Variants in ZBED5 observed in about 807,000 individuals in gnomAD.
The protein encoded by ZBED5 is zinc finger BED domain-containing protein 5.
ZBED5 carries 29 observed loss-of-function variants against 49.2 expected under a neutral mutation model. The ratio of observed to expected loss-of-function variants is 0.59; its 90% CI spans 0.44 to 0.80. The LOEUF (loss-of-function observed/expected upper bound fraction) is 0.80. Among genes scored for constraint, ZBED5 ranks in the 30% least tolerant of loss-of-function variants. The pLI is 0.00. For missense variants in ZBED5, 775 were observed against 812.9 expected (o/e 0.95, Z 0.57); for synonymous variants, 281 against 292.5 (o/e 0.96, Z 0.40).
In ZBED5 at chr11:10,853,236, A is replaced by T. The variant is rs973277553; in HGVS notation, c.1710T>A (p.Asn570Lys). The change falls in exon 3 of 3, where the codon AAT becomes AAA. Residue 570 changes from asparagine to lysine, a missense_variant. Physicochemically the swap from Asn to Lys is moderately conservative, Grantham distance 94 (BLOSUM62 0). Transcript: ENST00000413761. The surrounding 1 kb of genome is among the most constrained non-coding windows in gnomAD (Gnocchi z 5.4). The part of the protein sequence containing the change: ...LLKYFPVTND[N>K]NAWVRNPFTV... ...TAAATGGATTTCTAACCCAAGCATT[A>T]TTGTCATTTGTTACAGGAAAGTATT... The T allele has an allele frequency of 6.4e-7, 1 of 1,551,376 alleles. No individual in the cohort carries two copies. The highest frequency in any genetic ancestry group is 8.7e-7 in the Non-Finnish European group (1 of 1,146,816).
chr11:10,853,628 C>T lies in ZBED5; in HGVS notation c.1318G>A (p.Val440Ile). 1 of 1,551,572 alleles carries T rather than the reference C, an allele frequency of 6.4e-7. No individual in the cohort carries two copies. Among genetic ancestry groups the T allele is most frequent in the Non-Finnish European group, 8.7e-7 (1 of 1,146,930 alleles). Residue 440 changes from valine to isoleucine, a missense_variant, in exon 3 of 3, where the codon GTT (valine) becomes ATT (isoleucine). Coordinates refer to ENST00000413761, the MANE Select transcript of ZBED5 (RefSeq NM_001143667.2). This position sits in a 1 kb window ranked among gnomAD's most constrained non-coding sequence, Gnocchi z 5.4. ...TEVRWLSRGK[V>I]LVRLFELRRE... is the part of the protein sequence containing the mutation. Reference sequence around the variant, plus strand: ...CGAAGTTCAAAAAGTCTTACAAGAACTTTACCTCGAGAAAGCCACCTCACC... The same window carrying T: ...CGAAGTTCAAAAAGTCTTACAAGAATTTTACCTCGAGAAAGCCACCTCACC...
In ZBED5 at chr11:10,853,292, G is replaced by C. The variant is rs1564997688; in HGVS notation, c.1654C>G (p.His552Asp). The C allele has an allele frequency of 1.9e-6, 3 of 1,551,600 alleles. No homozygotes were observed. Among genetic ancestry groups the C allele is most frequent in the Non-Finnish European group, 2.6e-6 (3 of 1,146,952 alleles). The change falls in exon 3 of 3, where the codon CAC becomes GAC. Residue 552 changes from histidine (H) to aspartate (D), a missense_variant. His to Asp is a moderately conservative substitution (Grantham distance 81). Coordinates refer to ENST00000413761, the MANE Select transcript of ZBED5 (RefSeq NM_001143667.2). The surrounding 1 kb of genome is among the most constrained non-coding windows in gnomAD (Gnocchi z 5.4). ...DKDICSAIVQ[H>D]LRGLRATLLK... ...AGAGTAGCGCGCAAACCCCTTAGGTGCTGCACAATGGCACTGCAAATATCT... is the reference window on the plus strand; with the variant it reads ...AGAGTAGCGCGCAAACCCCTTAGGTCCTGCACAATGGCACTGCAAATATCT...
chr11:10,853,294 T>C lies in ZBED5; in HGVS notation c.1652A>G (p.Gln551Arg), dbSNP rs1848126529. 11 of 1,551,700 alleles carry C rather than the reference T, an allele frequency of 7.1e-6. No individual in the cohort carries two copies. In the South Asian group the frequency reaches 1.3e-4, roughly 18 times the overall value. Residue 551 changes from glutamine (Q) to arginine (R), a missense_variant, in exon 3 of 3, where the codon CAG becomes CGG. Transcript: ENST00000413761. This position sits in a 1 kb window ranked among gnomAD's most constrained non-coding sequence, Gnocchi z 5.4. The part of the protein sequence containing the change: ...VDKDICSAIV[Q>R]HLRGLRATLL... ...AGTAGCGCGCAAACCCCTTAGGTGC[T>C]GCACAATGGCACTGCAAATATCTTT...
chr11:10,855,147 C>CCTG lies in ZBED5; in HGVS notation c.-141-62_-141-61insCAG. 2.0e-6 allele frequency: 1 copy of CCTG among 510,780 alleles called. No individual in the cohort carries two copies. 31.6% of individuals were successfully genotyped at this position (510,780 alleles called of 1,614,324 possible). On this transcript the variant is annotated intron_variant, in intron 2 of 2. Coordinates refer to ENST00000413761, the MANE Select transcript of ZBED5 (RefSeq NM_001143667.2). The surrounding 1 kb of genome is among the most constrained non-coding windows in gnomAD (Gnocchi z 4.1). ...TAGAAATGAGTTTAGCAGTCTTAAT[C>CCTG]TCATATTTAAATAAACATATTAAAA...
chr11:10,852,921 A>G lies in ZBED5; in HGVS notation c.2025T>C (p.Ile675=), dbSNP rs1387134503. The change falls in exon 3 of 3, where the codon ATT becomes ATC. Residue 675 remains isoleucine, a synonymous_variant. Coordinates refer to ENST00000413761, the MANE Select transcript of ZBED5 (RefSeq NM_001143667.2). ...CACATATCCGCTTAATATTAGGTGT[A>G]ATATTGCTAAGTCGGATTCGCATAT... ...APHMRIRLSN[I]TPNIKRICDK... 1 of 1,551,242 alleles carries G rather than the reference A, an allele frequency of 6.4e-7. No individual in the cohort carries two copies. The highest frequency in any genetic ancestry group is 2.0e-5 in the Admixed American group (1 of 51,000).
Position 10,853,017 on chromosome 11 carries a change from C to T in ZBED5, c.1929G>A (p.Leu643=), listed in dbSNP as rs902711265. 1.3e-6 allele frequency: 2 copies of T among 1,551,662 alleles called. No individual in the cohort carries two copies. The highest frequency in any genetic ancestry group is 2.4e-5 in the South Asian group (2 of 84,066). The change falls in exon 3 of 3, where the codon CTG becomes CTA. Residue 643 remains leucine, a synonymous_variant. Coordinates refer to ENST00000413761, the MANE Select transcript of ZBED5 (RefSeq NM_001143667.2). The surrounding 1 kb of genome is among the most constrained non-coding windows in gnomAD (Gnocchi z 5.4). ...RVLLPFATMH[L]CETGFSYYAA... ...CGTAATATGAAAACCCCGTTTCACA[C>T]AGGTGCATTGTAGCAAAAGGAAGAA...
chr11:10,853,533 C>A lies in ZBED5; in HGVS notation c.1413G>T (p.Leu471=), dbSNP rs1329701487. Residue 471 remains leucine (L), a synonymous_variant, in exon 3 of 3, where the codon CTG becomes CTT. Transcript: ENST00000413761. This position sits in a 1 kb window ranked among gnomAD's most constrained non-coding sequence, Gnocchi z 5.4. The part of the protein sequence containing the change: ...LSDCLTNSSW[L]LRLAYLADIF... ...TATCTGCAAGATATGCAAGTCTTAG[C>A]AGCCAAGATGAATTTGTTAAACAAT... is the stretch of plus-strand genomic sequence containing the variant. 2 of 1,550,186 alleles carry A rather than the reference C, an allele frequency of 1.3e-6. No homozygotes were observed. Among genetic ancestry groups the A allele is most frequent in the East Asian group, 4.9e-5 (2 of 40,906 alleles).
In ZBED5 at chr11:10,855,351, T is replaced by C. The variant is rs1442700990; in HGVS notation, c.-141-265A>G. Among the ~76,000 whole-genome samples, 1 of 152,092 alleles carries C rather than the reference T, an allele frequency of 6.6e-6. No homozygotes were observed. Among genetic ancestry groups the C allele is most frequent in the Non-Finnish European group, 1.5e-5 (1 of 68,000 alleles). The stretch of plus-strand genomic sequence containing the variant: ...TGAAGAATATGTCCCATGGCAGGGG[T>C]TGGCAGGCTTTTTTTGGTCAAGGGC... On this transcript the variant is annotated intron_variant, in intron 2 of 2. Coordinates refer to ENST00000413761, the MANE Select transcript of ZBED5 (RefSeq NM_001143667.2). The surrounding 1 kb of genome is among the most constrained non-coding windows in gnomAD (Gnocchi z 4.1).
At position 10,857,914 on chromosome 11, in the gene ZBED5, G is replaced by C. The variant is rs950702201; in HGVS notation, c.-308C>G. ...AGCCAGTCGTCGTGGACTGGAGGGG[G>C]AGGGGAGAGAGGGAGGGGAATGAAA... On this transcript the variant is annotated 5_prime_UTR_variant, in exon 1 of 3. Coordinates refer to ENST00000413761, the MANE Select transcript of ZBED5 (RefSeq NM_001143667.2). This position sits in a 1 kb window ranked among gnomAD's most constrained non-coding sequence, Gnocchi z 6.3. 1 of 157,418 alleles carries C rather than the reference G, an allele frequency of 6.4e-6. No individual in the cohort carries two copies. The highest frequency in any genetic ancestry group is 1.4e-5 in the Non-Finnish European group (1 of 71,714). The allele number at this position is 157,418 out of a possible 1,614,324, so 9.8% of individuals were successfully genotyped here. A position where few individuals can be genotyped will look rare whatever the true frequency, so the allele number is the denominator to read the frequency against.
In ZBED5 at chr11:10,854,773, G is replaced by A. The variant is rs1848158516; in HGVS notation, c.173C>T (p.Ser58Phe). The A allele has an allele frequency of 3.9e-6, 6 of 1,551,810 alleles. No homozygotes were observed. The highest frequency in any genetic ancestry group is 2.4e-5 in the South Asian group (2 of 84,062). Reference protein sequence around the residue: ...EVESFCYQIVSESNDQKVGIL... With the variant: ...EVESFCYQIVFESNDQKVGIL... The stretch of plus-strand genomic sequence containing the variant: ...TCCAACCTTCTGATCATTTGATTCA[G>A]ACACAATCTGATAACAGAAAGATTC... The change falls in exon 3 of 3, where the codon TCT becomes TTT. Residue 58 changes from serine (S) to phenylalanine (F), a missense_variant. Physicochemically the swap from Ser to Phe is radical, Grantham distance 155. Transcript: ENST00000413761. This position sits in a 1 kb window ranked among gnomAD's most constrained non-coding sequence, Gnocchi z 5.0.
Position 10,853,719 on chromosome 11 carries a change from GGATT to G in ZBED5, c.1223_1226del (p.Gln408ProfsTer4), listed in dbSNP as rs1848135222. ...CCTCACATAAAATTTTTAATAGTCTGGATTGATGTGGTCGAGCTTTAATATAATT... is the reference window on the plus strand; with the variant it reads ...CCTCACATAAAATTTTTAATAGTCTGGATGTGGTCGAGCTTTAATATAATT... On this transcript the variant is annotated frameshift_variant, in exon 3 of 3. Transcript: ENST00000413761. LOFTEE classifies it high-confidence loss of function. This position sits in a 1 kb window ranked among gnomAD's most constrained non-coding sequence, Gnocchi z 5.4. The G allele has an allele frequency of 1.9e-6, 3 of 1,551,594 alleles. No homozygotes were observed. Among genetic ancestry groups the G allele is most frequent in the Non-Finnish European group, 2.6e-6 (3 of 1,146,934 alleles).
At position 10,855,742 on chromosome 11, in the gene ZBED5, A is replaced by G. The variant is rs774678824; in HGVS notation, c.-142+402T>C. On this transcript the variant is annotated intron_variant, in intron 2 of 2. Coordinates refer to ENST00000413761, the MANE Select transcript of ZBED5 (RefSeq NM_001143667.2). The surrounding 1 kb of genome is among the most constrained non-coding windows in gnomAD (Gnocchi z 4.1). ...GTTAACAATGAAGAATAAATTGTATATCAAAAGTTAGGTACTGTTTCTCTG... is the reference window on the plus strand; with the variant it reads ...GTTAACAATGAAGAATAAATTGTATGTCAAAAGTTAGGTACTGTTTCTCTG... 6.6e-6 allele frequency: 1 copy of G among 152,230 alleles called. No individual in the cohort carries two copies. Among genetic ancestry groups the G allele is most frequent in the African/African-American group, 2.4e-5 (1 of 41,462 alleles). 9.4% of individuals were successfully genotyped at this position (152,230 alleles called of 1,614,324 possible).
In ZBED5 at chr11:10,852,718, T is replaced by C. The variant is rs1234341968; in HGVS notation, c.*146A>G. On this transcript the variant is annotated 3_prime_UTR_variant, in exon 3 of 3. Coordinates refer to ENST00000413761, the MANE Select transcript of ZBED5 (RefSeq NM_001143667.2). Reference sequence around the variant, plus strand: ...TAATAACACAATATGTTTAAAACGTTTGATTCTTTAGCCTTCTTAAAATCT... The same window carrying C: ...TAATAACACAATATGTTTAAAACGTCTGATTCTTTAGCCTTCTTAAAATCT... 1.5e-6 allele frequency: 2 copies of C among 1,290,762 alleles called. No individual in the cohort carries two copies. Among genetic ancestry groups the C allele is most frequent in the Non-Finnish European group, 2.0e-6 (2 of 979,920 alleles). The allele number at this position is 1,290,762 out of a possible 1,614,324, so 80.0% of individuals were successfully genotyped here. A position where few individuals can be genotyped will look rare whatever the true frequency, so the allele number is the denominator to read the frequency against.
At position 10,853,238 on chromosome 11, in the gene ZBED5, T is replaced by C. The variant is rs748564738; in HGVS notation, c.1708A>G (p.Asn570Asp). The change falls in exon 3 of 3, where the codon AAT becomes GAT. Residue 570 changes from asparagine (N) to aspartate (D), a missense_variant. Physicochemically the swap from Asn to Asp is conservative, Grantham distance 23. Coordinates refer to ENST00000413761, the MANE Select transcript of ZBED5 (RefSeq NM_001143667.2). This position sits in a 1 kb window ranked among gnomAD's most constrained non-coding sequence, Gnocchi z 5.4. ...AATGGATTTCTAACCCAAGCATTAT[T>C]GTCATTTGTTACAGGAAAGTATTTT... Reference protein sequence around the residue: ...LLKYFPVTNDNNAWVRNPFTV... With the variant: ...LLKYFPVTNDDNAWVRNPFTV... 149 of 1,551,424 alleles carry C rather than the reference T, an allele frequency of 9.6e-5. No homozygotes were observed. In the East Asian group the frequency reaches 9.8e-4, roughly 10 times the overall value.
In ZBED5 at chr11:10,852,895, T is replaced by A. The variant is rs1848118777; in HGVS notation, c.2051A>T (p.Asp684Val). 9 of 1,540,708 alleles carry A rather than the reference T, an allele frequency of 5.8e-6. No homozygotes were observed. The highest frequency in any genetic ancestry group is 7.9e-6 in the Non-Finnish European group (9 of 1,137,920). The change falls in exon 3 of 3, where the codon GAT becomes GTT. Residue 684 changes from aspartate to valine, a missense_variant. Transcript: ENST00000413761. ...AGAACAGTGTTTTTGTGTCTTTTTA[T>A]CACATATCCGCTTAATATTAGGTGT... Reference protein sequence around the residue: ...NITPNIKRICDKKTQKHCSH With the variant: ...NITPNIKRICVKKTQKHCSH
chr11:10,853,733 G>C lies in ZBED5; in HGVS notation c.1213C>G (p.Arg405Gly), dbSNP rs935475852. 6.4e-7 allele frequency: 1 copy of C among 1,551,568 alleles called. No individual in the cohort carries two copies. The highest frequency in any genetic ancestry group is 8.7e-7 in the Non-Finnish European group (1 of 1,146,924). ...AVQIINYIKA[R>G]PHQSRLLKIL... ...TTTAATAGTCTGGATTGATGTGGTC[G>C]AGCTTTAATATAATTGATGATTTGT... The change falls in exon 3 of 3, where the codon CGA becomes GGA. Residue 405 changes from arginine (R) to glycine (G), a missense_variant. Coordinates refer to ENST00000413761, the MANE Select transcript of ZBED5 (RefSeq NM_001143667.2). This position sits in a 1 kb window ranked among gnomAD's most constrained non-coding sequence, Gnocchi z 5.4.
At chr11:10,856,755 T>C (rs755420092) in intron 1 of ZBED5, among the ~76,000 whole-genome samples, 1 of 152,162 alleles carries the variant, frequency 6.6e-6, no homozygotes, top group Non-Finnish European at 1.5e-5. Context: ...ATAGATTATC[T>C]CATCTATGAA....
In ZBED5 at chr11:10,854,531, A is replaced by C. The variant is rs1290305884; in HGVS notation, c.415T>G (p.Leu139Val). The C allele has an allele frequency of 6.4e-7, 1 of 1,551,442 alleles. No homozygotes were observed. Among genetic ancestry groups the C allele is most frequent in the African/African-American group, 1.4e-5 (1 of 73,048 alleles). ...HAQCVLCKKI[L>V]SNSSLAPSKL... The stretch of plus-strand genomic sequence containing the variant: ...CTAGGGGCTAAAGAGCTATTTGATA[A>C]AATTTTCTTACATAATACACACTGA... Residue 139 changes from leucine (L) to valine (V), a missense_variant, in exon 3 of 3, where the codon TTA becomes GTA. Transcript: ENST00000413761. This position sits in a 1 kb window ranked among gnomAD's most constrained non-coding sequence, Gnocchi z 5.0.
chr11:10,852,795 G>A lies in ZBED5; in HGVS notation c.*69C>T. 1.4e-6 allele frequency: 2 copies of A among 1,426,560 alleles called. No homozygotes were observed. The highest frequency in any genetic ancestry group is 9.2e-7 in the Non-Finnish European group (1 of 1,086,390). The allele number at this position is 1,426,560 out of a possible 1,614,324, so 88.4% of individuals were successfully genotyped here. ...TTATTTAAATCCCCCAAATACCAGA[G>A]ATGAAGTAAATCATCTTTTATTTTC... On this transcript the variant is annotated 3_prime_UTR_variant, in exon 3 of 3. Coordinates refer to ENST00000413761, the MANE Select transcript of ZBED5 (RefSeq NM_001143667.2).
Sources: allele counts gnomAD v4.1 joint callset (sites outside exome capture counted in the v4.1 genomes callset), GRCh38; gene constraint gnomAD v4.1.1; non-coding constraint Gnocchi (gnomAD v3.1); transcripts MANE v1.5; gene names NCBI Gene and HGNC (gene_info 2026-07-23, HGNC 2026-07-21).